The following NAA60 variants were observed in gnomAD, a reference collection of about 807,000 sequenced individuals.
NAA60 encodes the protein N-alpha-acetyltransferase 60, NatF catalytic subunit.
NAA60 carries 8 observed loss-of-function variants against 26.1 expected under a neutral mutation model. The ratio of observed to expected loss-of-function variants is 0.31; its 90% confidence interval spans 0.18 to 0.55. NAA60 has a LOEUF of 0.55. Ranked by LOEUF, NAA60 falls within the 20% of genes least tolerant of loss-of-function variation. The probability of loss-of-function intolerance (pLI) is 0.93; values close to 1 mark genes in which losing one functional copy is unlikely to be tolerated. For synonymous variants in NAA60, 131 were observed against 122.5 expected, an observed-to-expected ratio of 1.07 and a Z score of -0.46; for missense variants, 290 against 311.3, an observed-to-expected ratio of 0.93 and a Z score of 0.51.
chr16:3,465,632 G>A (rs528328192), intron 2 of NAA60, among the ~76,000 whole-genome samples: 17 of 152,186 alleles, frequency 1.1e-4, no homozygotes, highest in Non-Finnish European at 2.2e-4. Flanking sequence ...TTTCGAGGAG[G>A]ATGCAGAGGG....
rs773161851 is a variant in NAA60 at position 3,482,617 on chromosome 16, G to T, written c.337+19G>T. ...GGCATAGGTAAGGGCAGCCGGGCCCGCGGCTTGGCGCCCACCCCACCCCCT... is the reference window on the plus strand; with the variant it reads ...GGCATAGGTAAGGGCAGCCGGGCCCTCGGCTTGGCGCCCACCCCACCCCCT... On this transcript the variant is annotated intron_variant, in intron 5 of 7. Coordinates refer to ENST00000407558, the MANE Select transcript of NAA60 (RefSeq NM_001083601.3). 5.1e-6 allele frequency: 8 copies of T among 1,554,100 alleles called. No homozygotes were observed. Among genetic ancestry groups the T allele is most frequent in the Admixed American group, 3.8e-5 (2 of 53,082 alleles).
Position 3,485,565 on chromosome 16 carries a change from T to A in NAA60, c.*305T>A, listed in dbSNP as rs2037110967. On this transcript the variant is annotated 3_prime_UTR_variant, in exon 8 of 8. Coordinates refer to ENST00000407558, the MANE Select transcript of NAA60 (RefSeq NM_001083601.3). ...GTCCCCAGGGCTGACCCAGTGTGGC[T>A]GCATTCACTGGGAGGGGCCTGCCCT... The A allele has an allele frequency of 2.2e-6, 1 of 454,170 alleles. No homozygotes were observed. Among genetic ancestry groups the A allele is most frequent in the Non-Finnish European group, 4.4e-6 (1 of 225,406 alleles). The allele number at this position is 454,170 out of a possible 1,614,324, so 28.1% of individuals were successfully genotyped here.
intron 1 of NAA60, chr16:3,447,523 G>A: frequency 1.0e-6 from 1 of 985,346 alleles, no homozygotes. Context: ...ACATAAGTAT[G>A]GCTCTGGTTC....
intron 3 of NAA60, among the ~76,000 whole-genome samples, chr16:3,478,354 C>T (rs2151009728): frequency 6.6e-6 from 1 of 152,330 alleles, no homozygotes; most frequent in East Asian, 1.9e-4. Flanking sequence ...GCCTGAGAGC[C>T]AGTGGAGCCA....
rs536583666 is a variant in NAA60, at chr16:3,473,713, G to T, written c.-6-2509G>T. Reference sequence around the variant, plus strand: ...CCATGCTTGGCCCCAGCTTTTTGTTGTTGTTGTTGTTGTTGTTGTTGTTGT... The same window carrying T: ...CCATGCTTGGCCCCAGCTTTTTGTTTTTGTTGTTGTTGTTGTTGTTGTTGT... On this transcript the variant is annotated intron_variant, in intron 2 of 7. Transcript: ENST00000407558. Among the ~76,000 whole-genome samples the T allele has an allele frequency of 4.7e-4, 65 of 137,166 alleles. No individual in the cohort carries two copies. In the East Asian group the frequency reaches 0.014, roughly 30 times the overall value. 90.0% of individuals were successfully genotyped at this position (137,166 alleles called of 152,430 possible).
intron 1 of NAA60, among the ~76,000 whole-genome samples, chr16:3,446,400 G>A (rs1378669954): frequency 2.0e-5 from 3 of 151,486 alleles, no homozygotes; most frequent in African/African-American, 4.8e-5. Flanking sequence ...GCGTGGTAGC[G>A]GGCACCTGTA....
intron 1 of NAA60, 110 bp from the exon 2 acceptor site, chr16:3,448,361 C>A: frequency 1.3e-6 from 1 of 756,874 alleles, no homozygotes; most frequent in Non-Finnish European, 2.0e-6. Context: ...AAGGGCCCAT[C>A]AGATTGATAC....
intron 2 of NAA60, among the ~76,000 whole-genome samples, chr16:3,465,159 C>G (rs1057421303): frequency 6.7e-6 from 1 of 150,276 alleles, no homozygotes; most frequent in Non-Finnish European, 1.5e-5. Context: ...CCCAGCTACT[C>G]GGGAGGCTGA....
In NAA60 at chr16:3,455,386, GTTTTTTTT is replaced by G. The variant is rs35501650; in HGVS notation, c.-7+6861_-7+6868del. On this transcript the variant is annotated intron_variant, in intron 2 of 7. Transcript: ENST00000407558. ...GGGCATAGCCAAAAAAGAGTTTTTA[GTTTTTTTT>G]TTTTTTTTTTTTTTGAGACGGAGTC... 3.7e-3 allele frequency among the ~76,000 whole-genome samples: 374 copies of G among 101,978 alleles called. 4 individuals are homozygous for G. The highest frequency in any genetic ancestry group is 0.014 in the African/African-American group (357 of 24,892). 66.9% of individuals were successfully genotyped at this position (101,978 alleles called of 152,430 possible). A position where few individuals can be genotyped will look rare whatever the true frequency, so the allele number is the denominator to read the frequency against.
intron 2 of NAA60, chr16:3,458,178 C>G (rs1567368978): frequency 2.0e-6 from 2 of 984,660 alleles, no homozygotes; most frequent in East Asian, 2.3e-4. Context: ...GGCTCCCCCA[C>G]GAGGTGAGGT....
intron 2 of NAA60, 100 bp downstream of exon 2, chr16:3,448,640 AT>A: frequency 1.0e-6 from 1 of 976,550 alleles, no homozygotes; most frequent in South Asian, 1.6e-5. Flanking sequence ...AGTATTAAAT[AT>A]TCTCTTAATT....
At chr16:3,450,678 C>CGA (rs1567362258) in intron 2 of NAA60, among the ~76,000 whole-genome samples, 1 of 120,754 alleles carries the variant, frequency 8.3e-6, no homozygotes, top group African/African-American at 3.1e-5. Context: ...CCAGCCTGGG[C>CGA]GACAGAGTGA....
chr16:3,450,144 A>C (rs1020955215), intron 2 of NAA60: 1 of 372,858 alleles, frequency 2.7e-6, no homozygotes, highest in African/African-American at 2.1e-5. Flanking sequence ...TGCATACATT[A>C]ATAAACCCTT....
intron 2 of NAA60, among the ~76,000 whole-genome samples, chr16:3,470,247 G>C (rs544620009): frequency 1.1e-4 from 17 of 152,310 alleles, no homozygotes; most frequent in Admixed American, 3.3e-4. Flanking sequence ...ACTGCCCCCA[G>C]CAGACAATGC....
chr16:3,452,239 T>C (rs2034814248), intron 2 of NAA60, among the ~76,000 whole-genome samples: 1 of 152,074 alleles, frequency 6.6e-6, no homozygotes, highest in Non-Finnish European at 1.5e-5. Flanking sequence ...ACTAATTCCC[T>C]ATGTTGGTGA....
At chr16:3,473,507 G>A (rs1355012310) in intron 2 of NAA60, among the ~76,000 whole-genome samples, 1 of 152,150 alleles carries the variant, frequency 6.6e-6, no homozygotes, top group Non-Finnish European at 1.5e-5. Flanking sequence ...TCTCCCACCA[G>A]GTCCCTCCCA....
chr16:3,456,151 CTGTTG>C (rs901702986), intron 2 of NAA60, among the ~76,000 whole-genome samples: 1 of 152,190 alleles, frequency 6.6e-6, no homozygotes, highest in Admixed American at 6.5e-5. Context: ...TGTTGTTACT[CTGTTG>C]TTACTTAGGG....
intron 1 of NAA60, 144 bp downstream of exon 1, chr16:3,443,981 G>A: frequency 1.5e-6 from 2 of 1,365,166 alleles, no homozygotes; most frequent in South Asian, 3.5e-5. Context: ...GGAACATGAA[G>A]GAGTATCTTT....
At position 3,485,460 on chromosome 16, in the gene NAA60, C is replaced by T. The variant is rs1295590868; in HGVS notation, c.*207-7C>T. 2 of 457,476 alleles carry T rather than the reference C, an allele frequency of 4.4e-6. No homozygotes were observed. The highest frequency in any genetic ancestry group is 2.3e-5 in the Admixed American group (1 of 42,580). The allele number at this position is 457,476 out of a possible 1,614,324, so 28.3% of individuals were successfully genotyped here. ...TTCACCCTGCCCTGCTCTTCTCTTT[C>T]CCACAGGCTCTTCAGCTCCCCTCCC... is the stretch of plus-strand genomic sequence containing the variant. On this transcript the variant is annotated splice_region_variant and splice_polypyrimidine_tract_variant and intron_variant, in intron 7 of 7. Transcript: ENST00000407558.
Sources: allele counts gnomAD v4.1 joint callset (sites outside exome capture counted in the v4.1 genomes callset), GRCh38; gene constraint gnomAD v4.1.1; transcripts MANE v1.5; gene names NCBI Gene and HGNC (gene_info 2026-07-23, HGNC 2026-07-21).